Variants in GRM7 observed in about 807,000 individuals in gnomAD.
The protein encoded by GRM7 is glutamate metabotropic receptor 7.
A neutral mutation model predicts 84.5 loss-of-function variants in GRM7; 35 were observed. The ratio of observed to expected loss-of-function variants is 0.41; its 90% CI spans 0.32 to 0.55. The LOEUF (loss-of-function observed/expected upper bound fraction) is 0.55. Ranked by LOEUF, GRM7 falls within the 20% of genes least tolerant of loss-of-function variation. The pLI, the probability that GRM7 is intolerant of heterozygous loss-of-function variation, is 0.19. For missense variants in GRM7, 1,003 were observed against 1,194.6 expected, an observed-to-expected ratio of 0.84 and a Z score of 2.36; for synonymous variants, 487 against 455.1, an observed-to-expected ratio of 1.07 and a Z score of -0.89.
intron 4 of GRM7, among the ~76,000 whole-genome samples, chr3:7,308,303 C>T (rs752921289): frequency 6.6e-6 from 1 of 152,084 alleles, no homozygotes; most frequent in Non-Finnish European, 1.5e-5. Context: ...GGCCATCTCA[C>T]CCCAACCAAG....
intron 1 of GRM7, among the ~76,000 whole-genome samples, chr3:7,060,017 A>G (rs956853292): frequency 6.6e-6 from 1 of 151,850 alleles, no homozygotes. Flanking sequence ...GGCGAAGTCC[A>G]AAGGCTATTC....
chr3:7,130,622 T>C (rs1031882800), intron 1 of GRM7, among the ~76,000 whole-genome samples: 2 of 151,664 alleles, frequency 1.3e-5, no homozygotes, highest in African/African-American at 2.4e-5. Context: ...AAATCTTCCC[T>C]GAAGCAAACT....
intron 1 of GRM7, among the ~76,000 whole-genome samples, chr3:7,135,014 T>C (rs73012192): frequency 0.011 from 1,700 of 152,276 alleles, 25 homozygotes; most frequent in Non-Finnish European, 0.017. Context: ...TTTGGTGTTA[T>C]GTAATTAGAG....
intron 1 of GRM7, among the ~76,000 whole-genome samples, chr3:7,024,356 C>T (rs1695894764): frequency 6.6e-6 from 1 of 152,198 alleles, no homozygotes; most frequent in South Asian, 2.1e-4. Flanking sequence ...CCAGTCAAAC[C>T]AACCACACCA....
intron 1 of GRM7, among the ~76,000 whole-genome samples, chr3:7,032,635 G>T (rs767353742): frequency 6.6e-6 from 1 of 152,096 alleles, no homozygotes; most frequent in East Asian, 1.9e-4. Context: ...ACCTCAAATT[G>T]CTGGAAGATA....
At chr3:7,464,222 T>C (rs957291610) in intron 7 of GRM7, among the ~76,000 whole-genome samples, 4 of 148,438 alleles carry the variant, frequency 2.7e-5, no homozygotes, top group East Asian at 2.0e-4. Flanking sequence ...TGTGTGATAG[T>C]GAAGATGAAG....
chr3:7,390,984 TTTG>T (rs1160862944), intron 4 of GRM7, among the ~76,000 whole-genome samples: 1 of 152,228 alleles, frequency 6.6e-6, no homozygotes, highest in African/African-American at 2.4e-5. Context: ...GCTGACACTT[TTTG>T]TTGTTGTTGT....
chr3:7,672,970 G>A (rs1430080661), intron 8 of GRM7, among the ~76,000 whole-genome samples: 1 of 151,984 alleles, frequency 6.6e-6, no homozygotes, highest in East Asian at 1.9e-4. Context: ...GTTTTTCAGT[G>A]GATTTCATAA....
chr3:7,293,562 C>T (rs1216063076), intron 2 of GRM7, among the ~76,000 whole-genome samples: 1 of 152,168 alleles, frequency 6.6e-6, no homozygotes, highest in African/African-American at 2.4e-5. Flanking sequence ...CTTGTTCGCT[C>T]CCCACAGAAG....
chr3:7,003,168 A>G (rs1365874073), intron 1 of GRM7, among the ~76,000 whole-genome samples: 1 of 152,164 alleles, frequency 6.6e-6, no homozygotes, highest in Non-Finnish European at 1.5e-5. Context: ...TTAGTGATCT[A>G]TTGCACTGCA....
At chr3:7,158,398 A>T (rs1289273092) in intron 2 of GRM7, among the ~76,000 whole-genome samples, 1 of 152,044 alleles carries the variant, frequency 6.6e-6, no homozygotes, top group Non-Finnish European at 1.5e-5. Context: ...GCTTTTACTC[A>T]AGCGGTGTCC....
At chr3:7,222,451 A>G (rs1341988483) in intron 2 of GRM7, among the ~76,000 whole-genome samples, 2 of 152,130 alleles carry the variant, frequency 1.3e-5, no homozygotes, top group Admixed American at 1.3e-4. Context: ...CCCCCAGCTG[A>G]CATTAGCAAG....
intron 8 of GRM7, among the ~76,000 whole-genome samples, chr3:7,631,585 A>G (rs1697862562): frequency 6.6e-6 from 1 of 152,180 alleles, no homozygotes; most frequent in Non-Finnish European, 1.5e-5. Context: ...TAATGGGGGA[A>G]GTGGTAAAAT....
intron 4 of GRM7, 86 bp from the exon 5 acceptor site, chr3:7,414,937 A>AT: frequency 8.9e-7 from 1 of 1,129,398 alleles, no homozygotes; most frequent in Non-Finnish European, 1.2e-6. Flanking sequence ...ACTGAAACAA[A>AT]GAAAAAAAAA....
intron 9 of GRM7, among the ~76,000 whole-genome samples, chr3:7,717,405 G>C (rs1029167170): frequency 1.3e-5 from 2 of 152,096 alleles, no homozygotes; most frequent in Non-Finnish European, 2.9e-5. Context: ...GTTGCGGAAG[G>C]TCTAGAAAAT....
intron 2 of GRM7, among the ~76,000 whole-genome samples, chr3:7,257,458 A>G (rs1352944174): frequency 6.6e-6 from 1 of 152,126 alleles, no homozygotes; most frequent in Admixed American, 6.5e-5. Flanking sequence ...TAAGAAGCTC[A>G]ATTTCTCACC....
chr3:7,572,754 G>A (rs1333779500), intron 7 of GRM7, among the ~76,000 whole-genome samples: 7 of 146,342 alleles, frequency 4.8e-5, no homozygotes, highest in Non-Finnish European at 7.5e-5. Context: ...CCTGGAAGGC[G>A]GAGCTTGCAG....
chr3:7,676,001 C>CT lies in GRM7; in HGVS notation c.2452-4038dup, dbSNP rs376141817. 2.4e-3 allele frequency among the ~76,000 whole-genome samples: 355 copies of CT among 148,726 alleles called. 2 individuals carry two copies. Among genetic ancestry groups the CT allele is most frequent in the Middle Eastern group, 0.01 (3 of 286 alleles). On this transcript the variant is annotated intron_variant, in intron 8 of 9. Coordinates refer to ENST00000357716, the MANE Select transcript of GRM7 (RefSeq NM_000844.4). ...ATAGCTATGGGTTCTGCACATCGGACTTTTTTTTTTGTCGCCCAGGCTGGA... is the reference window on the plus strand; with the variant it reads ...ATAGCTATGGGTTCTGCACATCGGACTTTTTTTTTTTGTCGCCCAGGCTGGA...
At chr3:7,592,424 C>G (rs1695836169) in intron 8 of GRM7, among the ~76,000 whole-genome samples, 1 of 152,096 alleles carries the variant, frequency 6.6e-6, no homozygotes, top group Admixed American at 6.6e-5. Flanking sequence ...GTAGAGAGAC[C>G]AGCAGGTGCT....
Sources: allele counts gnomAD v4.1 joint callset (sites outside exome capture counted in the v4.1 genomes callset), GRCh38; gene constraint gnomAD v4.1.1; transcripts MANE v1.5; gene names NCBI Gene and HGNC (gene_info 2026-07-23, HGNC 2026-07-21).